WEE2: variants seen among roughly 807,000 people sequenced by gnomAD.
WEE2 encodes the protein WEE2 oocyte meiosis inhibiting kinase.
In WEE2, 50 loss-of-function variants were observed where a neutral mutation model predicts 60.1. The observed-to-expected ratio is 0.83, with a 90% CI of 0.66 to 1.05. The LOEUF (loss-of-function observed/expected upper bound fraction) is 1.05. Among genes scored for constraint, WEE2 ranks in the 50% least tolerant of loss-of-function variants. The pLI is 0.00. For synonymous variants in WEE2, 240 were observed against 241.0 expected (o/e 1.00, Z 0.04); for missense variants, 631 against 684.3 (o/e 0.92, Z 0.87).
At chr7:141,723,846 G>C in intron 6 of WEE2, 95 bp from the exon 7 acceptor site, 1 of 805,344 alleles carries the variant, frequency 1.2e-6, no homozygotes, top group South Asian at 2.0e-5. Context: ...AAAGAAGAAA[G>C]GAGAGAAGCT....
Position 141,730,798 on chromosome 7 carries a change from G to C in WEE2, c.*478G>C, listed in dbSNP as rs60014887. The C allele has an allele frequency of 8.8e-3, 1,350 of 153,106 alleles. 16 individuals are homozygous for C. Among genetic ancestry groups the C allele is most frequent in the African/African-American group, 0.03 (1,237 of 41,518 alleles). The allele number at this position is 153,106 out of a possible 1,614,324, so 9.5% of individuals were successfully genotyped here. On this transcript the variant is annotated 3_prime_UTR_variant, in exon 12 of 12. Transcript: ENST00000397541. ...ATTCTGGGTCTCACCAATTTCTCTT[G>C]ATTTTTGTGAGAATTTGGCTTTGTT...
At chr7:141,728,072 C>A (rs181836068) in intron 10 of WEE2, 2 of 152,312 alleles carry the variant, frequency 1.3e-5, no homozygotes, top group East Asian at 3.9e-4. Flanking sequence ...TGTGCTGACC[C>A]CTGTGATATT....
Position 141,730,919 on chromosome 7 carries a change from T to A in WEE2, c.*599T>A, listed in dbSNP as rs1049568404. 2 of 152,236 alleles carry A rather than the reference T, an allele frequency of 1.3e-5. No individual in the cohort carries two copies. The highest frequency in any genetic ancestry group is 4.8e-5 in the African/African-American group (2 of 41,464). The allele number at this position is 152,236 out of a possible 1,614,324, so 9.4% of individuals were successfully genotyped here. A position where few individuals can be genotyped will look rare whatever the true frequency, so the allele number is the denominator to read the frequency against. ...TATTTTTAAATAAAGGTTTTTATCT[T>A]GTCCAAAGCCTAATTACAGGTAAAA... On this transcript the variant is annotated 3_prime_UTR_variant, in exon 12 of 12. Transcript: ENST00000397541.
chr7:141,724,312 G>T, intron 8 of WEE2, 37 bp downstream of exon 8: 4 of 1,557,294 alleles, frequency 2.6e-6, no homozygotes, highest in Non-Finnish European at 3.5e-6. Context: ...TTTATAATCT[G>T]TTGAACCTTT....
In WEE2 at chr7:141,714,353, T is replaced by A. The variant is rs1175550590; in HGVS notation, c.487T>A (p.Tyr163Asn). 6.2e-7 allele frequency: 1 copy of A among 1,612,628 alleles called. No homozygotes were observed. Among genetic ancestry groups the A allele is most frequent in the East Asian group, 2.2e-5 (1 of 44,840 alleles). ...TATTAATCCCTTCACTCCAGAGTCC[T>A]ATAAAAAATTATTTCTTCAATCTGG... ...VNINPFTPES[Y>N]KKLFLQSGGK... The change falls in exon 2 of 12, where the codon TAT becomes AAT. Residue 163 changes from tyrosine (Y) to asparagine (N), a missense_variant. Tyr to Asn is a moderately radical substitution (Grantham distance 143, BLOSUM62 -2). Transcript: ENST00000397541.
Position 141,725,100 on chromosome 7 carries a change from A to G in WEE2, c.1296A>G (p.Ser432=). Residue 432 remains serine, a synonymous_variant, in exon 9 of 12, where the codon TCA becomes TCG. Coordinates refer to ENST00000397541, the MANE Select transcript of WEE2 (RefSeq NM_001105558.1). The part of the protein sequence containing the change: ...LTIAVAAGAE[S]LPTNGAAWHH... Reference sequence around the variant, plus strand: ...TTGCAGTGGCTGCAGGAGCAGAGTCATTGCCCACCAATGGTGCTGCATGGC... The same window carrying G: ...TTGCAGTGGCTGCAGGAGCAGAGTCGTTGCCCACCAATGGTGCTGCATGGC... 6.2e-7 allele frequency: 1 copy of G among 1,614,238 alleles called. No individual in the cohort carries two copies. Among genetic ancestry groups the G allele is most frequent in the Non-Finnish European group, 8.5e-7 (1 of 1,180,046 alleles).
rs560597579 is a variant in WEE2, at chr7:141,723,221, T to C, written c.968T>C (p.Ile323Thr). Reference protein sequence around the residue: ...EPKLKDILLQISLGLNYIHNS... With the variant: ...EPKLKDILLQTSLGLNYIHNS... ...AAACTCAAGGACATCCTTCTACAGA[T>C]TTCCCTTGGCCTTAATTACATCCAC... is the stretch of plus-strand genomic sequence containing the variant. The change falls in exon 6 of 12, where the codon ATT (isoleucine) becomes ACT (threonine). Residue 323 changes from isoleucine (I) to threonine (T), a missense_variant. Ile to Thr is a moderately conservative substitution (Grantham distance 89). Coordinates refer to ENST00000397541, the MANE Select transcript of WEE2 (RefSeq NM_001105558.1). 1.5e-4 allele frequency: 239 copies of C among 1,614,156 alleles called. 4 individuals are homozygous for C. The South Asian group carries it at 2.4e-3, about 16-fold the overall frequency.
Position 141,724,256 on chromosome 7 carries a change from C to T in WEE2, c.1202C>T (p.Ala401Val). Residue 401 changes from alanine (A) to valine (V), a missense_variant, in exon 8 of 12, where the codon GCT becomes GTT. By Grantham distance (64) the Ala-to-Val change is moderately conservative. Coordinates refer to ENST00000397541, the MANE Select transcript of WEE2 (RefSeq NM_001105558.1). ...KVEEGDSRFL[A>V]NEILQEDYRH... is the part of the protein sequence containing the mutation. ...GAAGAAGGAGATAGTCGCTTCCTGGCTAATGAGATTTTGCAAGAGGTATAG... is the reference window on the plus strand; with the variant it reads ...GAAGAAGGAGATAGTCGCTTCCTGGTTAATGAGATTTTGCAAGAGGTATAG... 1 of 1,613,764 alleles carries T rather than the reference C, an allele frequency of 6.2e-7. No homozygotes were observed. The highest frequency in any genetic ancestry group is 1.1e-5 in the South Asian group (1 of 90,984).
At chr7:141,718,980 C>T in intron 3 of WEE2, 92 bp from the exon 4 acceptor site, 1 of 1,287,968 alleles carries the variant, frequency 7.8e-7, no homozygotes, top group Non-Finnish European at 1.1e-6. Flanking sequence ...TTTTTGAAAA[C>T]TTGGAGCAAC....
Position 141,727,382 on chromosome 7 carries a change from G to A in WEE2, c.1471G>A (p.Gly491Arg). ...AAATACAGTTCTCCGGCCTTCCCTG[G>A]GAAAAACAGAAGAGCTCCAACAGCA... The part of the protein sequence containing the change: ...ARNTVLRPSL[G>R]KTEELQQQLN... Residue 491 changes from glycine to arginine, a missense_variant, in exon 10 of 12, where the codon GGA becomes AGA. Transcript: ENST00000397541. The A allele has an allele frequency of 6.2e-7, 1 of 1,614,016 alleles. No homozygotes were observed. Among genetic ancestry groups the A allele is most frequent in the Non-Finnish European group, 8.5e-7 (1 of 1,179,956 alleles).
At position 141,709,195 on chromosome 7, in the gene WEE2, C is replaced by T. The variant is rs565950520; in HGVS notation, c.342+95C>T. 55 of 913,714 alleles carry T rather than the reference C, an allele frequency of 6.0e-5. No individual in the cohort carries two copies. The East Asian group carries it at 1.3e-3, about 21-fold the overall frequency. 56.6% of individuals were successfully genotyped at this position (913,714 alleles called of 1,614,324 possible). On this transcript the variant is annotated intron_variant, in intron 1 of 11. Coordinates refer to ENST00000397541, the MANE Select transcript of WEE2 (RefSeq NM_001105558.1). ...AGTGGATTCATGTGTGTATGACAGT[C>T]ACCTCCAGGCTGTGTATATCCTCAA...
At position 141,730,752 on chromosome 7, in the gene WEE2, T is replaced by C. The variant is rs1239964641; in HGVS notation, c.*432T>C. ...CTCCATCTATTTGCCCTGCCTCTCT[T>C]GCTGTTCTGGTTGGTTTGATATTCT... On this transcript the variant is annotated 3_prime_UTR_variant, in exon 12 of 12. Coordinates refer to ENST00000397541, the MANE Select transcript of WEE2 (RefSeq NM_001105558.1). The C allele has an allele frequency of 6.4e-6, 1 of 156,504 alleles. No individual in the cohort carries two copies. The highest frequency in any genetic ancestry group is 2.4e-5 in the African/African-American group (1 of 41,638). 9.7% of individuals were successfully genotyped at this position (156,504 alleles called of 1,614,324 possible).
In WEE2 at chr7:141,721,634, A is replaced by AT. The variant is rs1051290672; in HGVS notation, c.880+587dup. Among the ~76,000 whole-genome samples the AT allele has an allele frequency of 8.3e-4, 125 of 150,264 alleles. 1 individual carries two copies. Among genetic ancestry groups the AT allele is most frequent in the African/African-American group, 2.7e-3 (109 of 40,946 alleles). ...CCACCATGCCTGGCTAATTTTTTGT[A>AT]TTTTTTTTTAATAGAGGCGGGGTTT... On this transcript the variant is annotated intron_variant, in intron 5 of 11. Transcript: ENST00000397541.
chr7:141,714,379 T>C lies in WEE2; in HGVS notation c.513T>C (p.Gly171=), dbSNP rs188222100. 2.3e-4 allele frequency: 363 copies of C among 1,611,492 alleles called. 3 individuals carry two copies. In the African/African-American group the frequency reaches 4.4e-3, roughly 19 times the overall value. The change falls in exon 2 of 12, where the codon GGT becomes GGC. Residue 171 remains glycine (G), a synonymous_variant. Transcript: ENST00000397541. ...ATAAAAAATTATTTCTTCAATCTGG[T>C]GGCAAGAGGAAAATAAGAGGAGATC... ...ESYKKLFLQS[G]GKRKIRGDLE...
At chr7:141,721,101 TTA>T in intron 5 of WEE2, 45 bp downstream of exon 5, 6 of 1,610,714 alleles carry the variant, frequency 3.7e-6, no homozygotes, top group Non-Finnish European at 4.2e-6. Flanking sequence ...GAGATGAACT[TTA>T]TAAGCCTTCA....
rs184712220 is a variant in WEE2, at chr7:141,727,371, G to C, written c.1460G>C (p.Arg487Pro). The change falls in exon 10 of 12, where the codon CGG becomes CCG. Residue 487 changes from arginine to proline, a missense_variant. By Grantham distance (103) the Arg-to-Pro change is moderately radical. Coordinates refer to ENST00000397541, the MANE Select transcript of WEE2 (RefSeq NM_001105558.1). The stretch of plus-strand genomic sequence containing the variant: ...GCTCTGGCCAGAAATACAGTTCTCC[G>C]GCCTTCCCTGGGAAAAACAGAAGAG... ...AAALARNTVL[R>P]PSLGKTEELQ... The C allele has an allele frequency of 1.1e-5, 18 of 1,613,966 alleles. No homozygotes were observed. The highest frequency in any genetic ancestry group is 6.7e-5 in the African/African-American group (5 of 74,854).
Position 141,729,943 on chromosome 7 carries a change from A to G in WEE2, c.1678+270A>G, listed in dbSNP as rs575181220. 2.2e-3 allele frequency among the ~76,000 whole-genome samples: 325 copies of G among 150,458 alleles called. 2 individuals carry two copies. The highest frequency in any genetic ancestry group is 7.7e-3 in the African/African-American group (316 of 40,826). ...GTGGAGCTTGCAGTGAGCTGAGATC[A>G]CACCACTGCACTCCAGCCTGGGCAA... On this transcript the variant is annotated intron_variant, in intron 11 of 11. Transcript: ENST00000397541.
chr7:141,714,531 T>A, intron 2 of WEE2, 126 bp downstream of exon 2: 1 of 690,550 alleles, frequency 1.4e-6, no homozygotes, highest in Non-Finnish European at 2.3e-6. Context: ...GCTTACATAT[T>A]CTCCCCTTCC....
rs886446662 is a variant in WEE2 at position 141,730,828 on chromosome 7, G to GT, written c.*514dup. On this transcript the variant is annotated 3_prime_UTR_variant, in exon 12 of 12. Transcript: ENST00000397541. ...TTGTGAGAATTTGGCTTTGTTTCCTGTTTTTTAAAATCATATTTTATCTAA... is the reference window on the plus strand; with the variant it reads ...TTGTGAGAATTTGGCTTTGTTTCCTGTTTTTTTAAAATCATATTTTATCTAA... 1.3e-5 allele frequency: 2 copies of GT among 152,350 alleles called. No homozygotes were observed. The highest frequency in any genetic ancestry group is 4.8e-5 in the African/African-American group (2 of 41,394). 9.4% of individuals were successfully genotyped at this position (152,350 alleles called of 1,614,324 possible).
Sources: allele counts gnomAD v4.1 joint callset (sites outside exome capture counted in the v4.1 genomes callset), GRCh38; gene constraint gnomAD v4.1.1; transcripts MANE v1.5; gene names NCBI Gene and HGNC (gene_info 2026-07-23, HGNC 2026-07-21).